The following NEK11 variants were observed in gnomAD, a reference collection of about 807,000 sequenced individuals.
The protein encoded by NEK11 is NIMA related kinase 11, also known as serine/threonine-protein kinase Nek11.
Under a neutral mutation model 80.7 loss-of-function variants are expected in NEK11, and 72 were observed. That is an observed-to-expected ratio of 0.89 (90% CI 0.74 to 1.08). The LOEUF (loss-of-function observed/expected upper bound fraction) is 1.08, where lower values mean the gene tolerates loss of function less well. Ranked by LOEUF, NEK11 falls within the 50% of genes least tolerant of loss-of-function variation. NEK11 has a pLI of 0.00. For synonymous variants in NEK11, 251 were observed against 260.7 expected (o/e 0.96, Z 0.36); for missense variants, 764 against 763.6 (o/e 1.00, Z -0.01).
At chr3:131,181,524 A>T (rs2093341816) in intron 14 of NEK11, among the ~76,000 whole-genome samples, 1 of 152,166 alleles carries the variant, frequency 6.6e-6, no homozygotes, top group Non-Finnish European at 1.5e-5. Flanking sequence ...AGGCGGGCAG[A>T]TCACAAGGTC....
chr3:131,035,902 G>A (rs751016280), intron 3 of NEK11, among the ~76,000 whole-genome samples: 1 of 152,142 alleles, frequency 6.6e-6, no homozygotes, highest in Non-Finnish European at 1.5e-5. Flanking sequence ...AAGACCCAGT[G>A]TTTATCTACT....
chr3:131,159,759 C>T (rs886180404), intron 10 of NEK11, among the ~76,000 whole-genome samples: 23 of 61,630 alleles, frequency 3.7e-4, no homozygotes, highest in Admixed American at 5.9e-4. Context: ...AATGAGACTC[C>T]ATCTCCAAAA....
intron 17 of NEK11, among the ~76,000 whole-genome samples, chr3:131,289,900 C>T (rs2096526095): frequency 6.6e-6 from 1 of 152,190 alleles, no homozygotes; most frequent in African/African-American, 2.4e-5. Context: ...AAAGCAGGCC[C>T]ATCTTTGCCT....
intron 14 of NEK11, among the ~76,000 whole-genome samples, chr3:131,175,340 C>A (rs2092944201): frequency 6.6e-6 from 1 of 152,170 alleles, no homozygotes; most frequent in Non-Finnish European, 1.5e-5. Flanking sequence ...AAATAAAAAA[C>A]AAGTCAAGTG....
chr3:131,332,409 G>A (rs1349436552), intron 17 of NEK11, among the ~76,000 whole-genome samples: 1 of 152,032 alleles, frequency 6.6e-6, no homozygotes, highest in Non-Finnish European at 1.5e-5. Flanking sequence ...TGAGGGTCCT[G>A]TCTGTTAGAA....
chr3:131,161,910 A>T (rs1271795352), intron 10 of NEK11, among the ~76,000 whole-genome samples: 5 of 152,216 alleles, frequency 3.3e-5, no homozygotes, highest in African/African-American at 1.2e-4. Context: ...TGTGCTAGGC[A>T]CTGTGCATAT....
intron 4 of NEK11, among the ~76,000 whole-genome samples, chr3:131,106,606 T>C (rs916056656): frequency 1.6e-4 from 24 of 152,160 alleles, no homozygotes; most frequent in African/African-American, 4.8e-4. Context: ...AATATACTTT[T>C]ATTAGCTACT....
At chr3:131,074,296 T>G (rs1481609122) in intron 3 of NEK11, among the ~76,000 whole-genome samples, 1 of 152,080 alleles carries the variant, frequency 6.6e-6, no homozygotes, top group African/African-American at 2.4e-5. Context: ...CTTAAATATT[T>G]TTTGGAAAAA....
intron 6 of NEK11, chr3:131,133,463 T>C (rs1192907851): frequency 3.4e-6 from 1 of 293,088 alleles, no homozygotes; most frequent in Non-Finnish European, 6.6e-6. Flanking sequence ...GAACAAATTC[T>C]TCTCCCCTCA....
At chr3:131,285,625 C>T (rs2096461030) in intron 17 of NEK11, among the ~76,000 whole-genome samples, 1 of 152,192 alleles carries the variant, frequency 6.6e-6, no homozygotes, top group South Asian at 2.1e-4. Context: ...TCTCACTTTC[C>T]CACGTTTCTC....
chr3:131,303,676 C>T (rs1232276589), intron 17 of NEK11, among the ~76,000 whole-genome samples: 2 of 152,092 alleles, frequency 1.3e-5, no homozygotes, highest in African/African-American at 4.8e-5. Flanking sequence ...TGGATATAGG[C>T]CCCCTATGTC....
chr3:131,188,656 A>G (rs969949307), intron 14 of NEK11, among the ~76,000 whole-genome samples: 1 of 152,168 alleles, frequency 6.6e-6, no homozygotes, highest in African/African-American at 2.4e-5. Context: ...ATCCTTTAGA[A>G]AAAGCATTCC....
chr3:131,267,336 CT>C (rs2096078407), intron 16 of NEK11, among the ~76,000 whole-genome samples: 1 of 152,204 alleles, frequency 6.6e-6, no homozygotes, highest in African/African-American at 2.4e-5. Flanking sequence ...CTGGTCGTTC[CT>C]TTCCATGTTT....
chr3:131,313,581 T>G (rs1032259604), intron 17 of NEK11, among the ~76,000 whole-genome samples: 2 of 151,962 alleles, frequency 1.3e-5, no homozygotes, highest in Non-Finnish European at 2.9e-5. Context: ...TGATCTTGAG[T>G]TTTTTTTCAT....
intron 5 of NEK11, among the ~76,000 whole-genome samples, chr3:131,115,957 TCTTTC>T (rs1341546413): frequency 2.8e-5 from 4 of 143,122 alleles, no homozygotes; most frequent in Non-Finnish European, 6.1e-5. Flanking sequence ...TTTCTTTCTT[TCTTTC>T]TTTCTTTCTT....
chr3:131,119,055 T>A (rs1394141847), intron 5 of NEK11, among the ~76,000 whole-genome samples: 18 of 152,190 alleles, frequency 1.2e-4, no homozygotes, highest in Admixed American at 1.2e-3. Context: ...CTTTTAATTG[T>A]GATGTTAGGG....
intron 3 of NEK11, among the ~76,000 whole-genome samples, chr3:131,077,431 T>C (rs16835716): frequency 0.15 from 23,466 of 152,160 alleles, 1,888 homozygotes; most frequent in Non-Finnish European, 0.17. Flanking sequence ...TCACCTGTCT[T>C]AATAGCCCTA....
chr3:131,316,160 C>A (rs761783832), intron 17 of NEK11, among the ~76,000 whole-genome samples: 3 of 152,066 alleles, frequency 2.0e-5, no homozygotes, highest in Non-Finnish European at 4.4e-5. Flanking sequence ...AAACATTATG[C>A]CTATCTTATT....
Position 131,240,855 on chromosome 3 carries a change from C to G in NEK11, c.1561-2581C>G, listed in dbSNP as rs1392245680. Reference sequence around the variant, plus strand: ...ATTTTGTCAAACAACTGCCTGATAACTAAATGAAGATCTACATGGTGTGAT... The same window carrying G: ...ATTTTGTCAAACAACTGCCTGATAAGTAAATGAAGATCTACATGGTGTGAT... On this transcript the variant is annotated intron_variant, in intron 15 of 17. Coordinates refer to ENST00000383366, the MANE Select transcript of NEK11 (RefSeq NM_024800.5). 2.6e-5 allele frequency among the ~76,000 whole-genome samples: 4 copies of G among 152,068 alleles called. No homozygotes were observed. In the South Asian group the frequency reaches 8.3e-4, roughly 32 times the overall value.
Sources: gnomAD v4.1 joint callset for allele counts (sites outside exome capture counted in the v4.1 genomes callset) on GRCh38, gnomAD v4.1.1 for gene constraint, MANE v1.5 for transcripts, NCBI Gene and HGNC (gene_info 2026-07-23, HGNC 2026-07-21) for gene names.